The following CCDC141 variants were observed in gnomAD, a reference collection of about 807,000 sequenced individuals.
The protein encoded by CCDC141 is coiled-coil domain-containing protein 141.
A neutral mutation model predicts 181.0 loss-of-function variants in CCDC141; 168 were observed. That is an observed-to-expected ratio of 0.93 (90% confidence interval 0.82 to 1.05). CCDC141 has a LOEUF of 1.05. Ranked by LOEUF, CCDC141 falls within the 50% of genes least tolerant of loss-of-function variation. CCDC141 has a pLI of 0.00. For missense variants in CCDC141, 1,902 were observed against 1,788.5 expected, an observed-to-expected ratio of 1.06 and a Z score of -1.14; for synonymous variants, 666 against 642.3, an observed-to-expected ratio of 1.04 and a Z score of -0.56.
At chr2:179,049,067 CT>C (rs1194385962) in intron 1 of CCDC141, among the ~76,000 whole-genome samples, 1 of 152,146 alleles carries the variant, frequency 6.6e-6, no homozygotes, top group Non-Finnish European at 1.5e-5. Flanking sequence ...AAGCCCAAGC[CT>C]AGTGCTTGAA....
rs1049780483 is a variant in CCDC141, at chr2:178,889,509, C to T, written c.1266-841G>A. Among the ~76,000 whole-genome samples the T allele has an allele frequency of 3.9e-5, 6 of 152,112 alleles. No homozygotes were observed. In the East Asian group the frequency reaches 1.2e-3, roughly 29 times the overall value. ...ATTAATAAAGATGAACATGATAACC[C>T]TTAAATTTAATTACCCAGAGTTTAA... is the stretch of plus-strand genomic sequence containing the variant. On this transcript the variant is annotated intron_variant, in intron 8 of 23. Transcript: ENST00000443758.
chr2:178,930,230 A>G (rs1689050771), intron 6 of CCDC141, among the ~76,000 whole-genome samples: 1 of 152,142 alleles, frequency 6.6e-6, no homozygotes, highest in Non-Finnish European at 1.5e-5. Context: ...AAAAAAGTAA[A>G]ATACCTAGGA....
chr2:179,050,039 G>C lies in CCDC141; in HGVS notation c.-98C>G, dbSNP rs975884719. ...GCCAGGGTTACTTGGATTCATTCAG[G>C]GAAAGAGCTCAGCTCACACTGATTA... On this transcript the variant is annotated 5_prime_UTR_variant, in exon 1 of 24. Coordinates refer to ENST00000443758, the MANE Select transcript of CCDC141 (RefSeq NM_173648.4). 2.8e-5 allele frequency: 42 copies of C among 1,526,116 alleles called. No individual in the cohort carries two copies. The highest frequency in any genetic ancestry group is 3.4e-5 in the Non-Finnish European group (38 of 1,133,840). 94.5% of individuals were successfully genotyped at this position (1,526,116 alleles called of 1,614,324 possible).
chr2:178,967,357 G>A (rs767064332), intron 4 of CCDC141, among the ~76,000 whole-genome samples: 4 of 152,212 alleles, frequency 2.6e-5, no homozygotes, highest in Admixed American at 2.0e-4. Context: ...CAGAGAGAAA[G>A]GTCGGGTTAC....
chr2:178,905,663 T>C (rs1687931862), intron 7 of CCDC141, among the ~76,000 whole-genome samples, 162 bp from the exon 8 acceptor site: 1 of 152,212 alleles, frequency 6.6e-6, no homozygotes, highest in Non-Finnish European at 1.5e-5. Context: ...AAAACAGCTG[T>C]ATAGTTTTTT....
chr2:179,019,075 G>C (rs796643657), intron 2 of CCDC141, among the ~76,000 whole-genome samples: 1 of 152,172 alleles, frequency 6.6e-6, no homozygotes, highest in Admixed American at 6.6e-5. Context: ...CTTTTTGTCA[G>C]TGTTAATTAC....
At chr2:179,009,587 T>C (rs1488664963) in intron 2 of CCDC141, among the ~76,000 whole-genome samples, 1 of 148,870 alleles carries the variant, frequency 6.7e-6, no homozygotes, top group Non-Finnish European at 1.5e-5. Context: ...GTAATGGGGG[T>C]TGTCTGCACA....
At position 179,029,167 on chromosome 2, in the gene CCDC141, C is replaced by G. The variant is rs148118356; in HGVS notation, c.225+18117G>C. On this transcript the variant is annotated intron_variant, in intron 2 of 23. Transcript: ENST00000443758. ...TGCCAGTCTGATTCCTAATCTTTAC[C>G]CATCACTTCTTTTGAGATCCAAATA... is the stretch of plus-strand genomic sequence containing the variant. Among the ~76,000 whole-genome samples the G allele has an allele frequency of 1.7e-3, 252 of 152,208 alleles. 1 individual carries two copies. The highest frequency in any genetic ancestry group is 5.7e-3 in the African/African-American group (238 of 41,536).
chr2:178,941,331 G>T (rs1487675465), intron 6 of CCDC141, among the ~76,000 whole-genome samples: 1 of 152,124 alleles, frequency 6.6e-6, no homozygotes, highest in East Asian at 1.9e-4. Flanking sequence ...ACTGATGGGG[G>T]TCTCTCTAAC....
rs969630858 is a variant in CCDC141 at position 178,845,881 on chromosome 2, T to C, written c.3358-139A>G. 2.6e-5 allele frequency: 17 copies of C among 656,792 alleles called. No homozygotes were observed. In the African/African-American group the frequency reaches 3.0e-4, roughly 11 times the overall value. The allele number at this position is 656,792 out of a possible 1,614,324, so 40.7% of individuals were successfully genotyped here. On this transcript the variant is annotated intron_variant, in intron 21 of 23. Transcript: ENST00000443758. Reference sequence around the variant, plus strand: ...TCCACAAGAGACTGGTGTACTCCCATGATGTGATTTATAAAATTATCCCTC... The same window carrying C: ...TCCACAAGAGACTGGTGTACTCCCACGATGTGATTTATAAAATTATCCCTC...
chr2:179,016,647 G>A (rs1416062368), intron 2 of CCDC141, among the ~76,000 whole-genome samples: 2 of 152,152 alleles, frequency 1.3e-5, no homozygotes, highest in Admixed American at 6.6e-5. Context: ...CTGATAAGTG[G>A]TAGGAATGAC....
intron 21 of CCDC141, among the ~76,000 whole-genome samples, chr2:178,846,123 G>C (rs1684929545): frequency 6.6e-6 from 1 of 151,058 alleles, no homozygotes; most frequent in Non-Finnish European, 1.5e-5. Flanking sequence ...AGATCTCTAG[G>C]GGAGAAGAAA....
At chr2:178,979,145 C>T (rs954893119) in intron 2 of CCDC141, among the ~76,000 whole-genome samples, 6 of 151,980 alleles carry the variant, frequency 3.9e-5, no homozygotes, top group Non-Finnish European at 7.4e-5. Context: ...GATTTTTAAA[C>T]CAGAATAGTC....
At position 178,859,405 on chromosome 2, in the gene CCDC141, A is replaced by G. The variant is rs1474469781; in HGVS notation, c.2725-3008T>C. On this transcript the variant is annotated intron_variant, in intron 17 of 23. Transcript: ENST00000443758. ...GCCATAGTCGCTGGGCTGTGGTATC[A>G]CTGTTCACACAGCTGTTTCTAACTT... 2.0e-5 allele frequency among the ~76,000 whole-genome samples: 3 copies of G among 152,144 alleles called. 1 individual carries two copies. In the East Asian group the frequency reaches 5.8e-4, roughly 29 times the overall value.
intron 2 of CCDC141, among the ~76,000 whole-genome samples, chr2:179,034,298 G>C (rs977757493): frequency 6.6e-6 from 1 of 152,152 alleles, no homozygotes; most frequent in Non-Finnish European, 1.5e-5. Context: ...CATGATGACA[G>C]ATGGAAATGG....
intron 4 of CCDC141, among the ~76,000 whole-genome samples, chr2:178,973,883 C>T (rs1691007906): frequency 6.6e-6 from 1 of 152,202 alleles, no homozygotes; most frequent in African/African-American, 2.4e-5. Flanking sequence ...TGATTCTACT[C>T]ATTTCCTTTG....
chr2:179,040,672 A>G (rs576858788), intron 2 of CCDC141, among the ~76,000 whole-genome samples: 4 of 152,142 alleles, frequency 2.6e-5, no homozygotes, highest in Non-Finnish European at 4.4e-5. Flanking sequence ...GCTAAGGACA[A>G]TGGACTCCAG....
In CCDC141 at chr2:178,918,706, C is replaced by A; in HGVS notation, c.1092+7G>T. ...ACCGAAAATTATCAACTTGACCTCA[C>A]ACTGACCTTGTTAGCACTGTTAAAA... On this transcript the variant is annotated splice_region_variant and intron_variant, in intron 7 of 23. Coordinates refer to ENST00000443758, the MANE Select transcript of CCDC141 (RefSeq NM_173648.4). 1 of 1,548,852 alleles carries A rather than the reference C, an allele frequency of 6.5e-7. No individual in the cohort carries two copies. Among genetic ancestry groups the A allele is most frequent in the Non-Finnish European group, 8.7e-7 (1 of 1,145,764 alleles).
chr2:179,010,325 G>A (rs926274098), intron 2 of CCDC141, among the ~76,000 whole-genome samples: 5 of 152,114 alleles, frequency 3.3e-5, no homozygotes, highest in African/African-American at 9.7e-5. Context: ...ATTGCAAAAA[G>A]TATTCACCTA....
Sources: allele counts gnomAD v4.1 joint callset (sites outside exome capture counted in the v4.1 genomes callset), GRCh38; gene constraint gnomAD v4.1.1; transcripts MANE v1.5; gene names NCBI Gene and HGNC (gene_info 2026-07-23, HGNC 2026-07-21).